Variants in PCDHGB2 observed in about 807,000 individuals in gnomAD.
The protein encoded by PCDHGB2 is protocadherin gamma subfamily B, 2.
Under a neutral mutation model 59.3 loss-of-function variants are expected in PCDHGB2, and 55 were observed. The ratio of observed to expected loss-of-function variants is 0.93; its 90% CI spans 0.75 to 1.16. PCDHGB2 has a LOEUF of 1.16. PCDHGB2 is among the 50% of genes most tolerant of loss of function. The probability of loss-of-function intolerance (pLI) is 0.00; values close to 1 mark genes in which losing one functional copy is unlikely to be tolerated. For synonymous variants in PCDHGB2, 516 were observed against 512.0 expected, an observed-to-expected ratio of 1.01 and a Z score of -0.11; for missense variants, 1,228 against 1,198.5, an observed-to-expected ratio of 1.02 and a Z score of -0.36.
At position 141,477,271 on chromosome 5, in the gene PCDHGB2, G is replaced by T; in HGVS notation, c.2422-17536G>T. On this transcript the variant is annotated intron_variant, in intron 1 of 3. Transcript: ENST00000522605. The surrounding 1 kb of genome is among the most constrained non-coding windows in gnomAD (Gnocchi z 4.9). ...CTGACCTGGATGCTGGCGAGAACGG[G>T]CTGGTGACCTGCGAAGTTCCACCGG... The T allele has an allele frequency of 1.2e-6, 2 of 1,614,212 alleles. No homozygotes were observed. The highest frequency in any genetic ancestry group is 1.7e-6 in the Non-Finnish European group (2 of 1,180,044).
chr5:141,501,789 C>T (rs367954511), intron 2 of PCDHGB2, among the ~76,000 whole-genome samples: 1 of 152,262 alleles, frequency 6.6e-6, no homozygotes, highest in South Asian at 2.1e-4. Context: ...TCTCCCTCTG[C>T]TCATCTCTTA....
rs1168771567 is a variant in PCDHGB2 at position 141,398,057 on chromosome 5, A to T, written c.2421+35501A>T. On this transcript the variant is annotated intron_variant, in intron 1 of 3. Coordinates refer to ENST00000522605, the MANE Select transcript of PCDHGB2 (RefSeq NM_018923.3). ...CTAAAGCCCGTTCGGAGATCCAAAAATCTACAATACAGAGGTTATTTGTAA... is the reference window on the plus strand; with the variant it reads ...CTAAAGCCCGTTCGGAGATCCAAAATTCTACAATACAGAGGTTATTTGTAA... 9 of 1,524,504 alleles carry T rather than the reference A, an allele frequency of 5.9e-6. No individual in the cohort carries two copies. In the South Asian group the frequency reaches 1.1e-4, roughly 19 times the overall value. 94.4% of individuals were successfully genotyped at this position (1,524,504 alleles called of 1,614,324 possible). A position where few individuals can be genotyped will look rare whatever the true frequency, so the allele number is the denominator to read the frequency against.
intron 1 of PCDHGB2, chr5:141,427,507 T>A: frequency 1.7e-6 from 1 of 584,928 alleles, no homozygotes; most frequent in Non-Finnish European, 3.2e-6. Context: ...GATGGGACCC[T>A]GGATTGGGAG....
At chr5:141,454,087 T>A (rs1251936767) in intron 1 of PCDHGB2, among the ~76,000 whole-genome samples, 4 of 152,198 alleles carry the variant, frequency 2.6e-5, no homozygotes, top group Non-Finnish European at 5.9e-5. Context: ...TCAGTGAAAT[T>A]TGAATTGAAC....
chr5:141,466,039 A>G (rs926979550), intron 1 of PCDHGB2, among the ~76,000 whole-genome samples: 1 of 152,122 alleles, frequency 6.6e-6, no homozygotes, highest in Non-Finnish European at 1.5e-5. Context: ...GGAGAACGGC[A>G]TGAACCCAGG....
intron 1 of PCDHGB2, chr5:141,374,379 G>C (rs1163047741): frequency 6.2e-7 from 1 of 1,614,042 alleles, no homozygotes; most frequent in Admixed American, 1.7e-5. Context: ...TGTGCTCAGA[G>C]CCCGCGGTGT....
In PCDHGB2 at chr5:141,510,989, C is replaced by A. The variant is rs2099883548; in HGVS notation, c.2612C>A (p.Thr871Asn). The A allele has an allele frequency of 1.2e-6, 2 of 1,614,198 alleles. No homozygotes were observed. The highest frequency in any genetic ancestry group is 1.7e-6 in the Non-Finnish European group (2 of 1,180,022). ...TCCACCCTGGGAGGGGGTGCCGGCA[C>A]CATGGGATTGAGCGCCCGCTACGGA... is the stretch of plus-strand genomic sequence containing the variant. ...GSSTLGGGAG[T>N]MGLSARYGPQ... Residue 871 changes from threonine to asparagine, a missense_variant, in exon 4 of 4, where the codon ACC becomes AAC. Thr to Asn is a moderately conservative substitution (Grantham distance 65, BLOSUM62 0). Transcript: ENST00000522605.
At chr5:141,418,341 A>G (rs1407312724) in intron 1 of PCDHGB2, 1 of 1,614,006 alleles carries the variant, frequency 6.2e-7, no homozygotes, top group South Asian at 1.1e-5. Context: ...GAAGATCCTG[A>G]TATTAGTATG....
At chr5:141,423,225 C>T (rs763729316) in intron 1 of PCDHGB2, 3 of 1,613,804 alleles carry the variant, frequency 1.9e-6, no homozygotes, top group South Asian at 1.1e-5. Context: ...TGGCTGTGGC[C>T]GACAGCATCC....
intron 1 of PCDHGB2, chr5:141,364,395 C>T (rs1330798978): frequency 1.9e-6 from 3 of 1,603,432 alleles, no homozygotes; most frequent in Admixed American, 1.7e-5. Flanking sequence ...CTCCTGGGGA[C>T]GCTGTGCGAG....
rs1763342277 is a variant in PCDHGB2, at chr5:141,364,464, T to C, written c.2421+1908T>C. 1.2e-6 allele frequency: 2 copies of C among 1,613,996 alleles called. No individual in the cohort carries two copies. The highest frequency in any genetic ancestry group is 1.3e-5 in the African/African-American group (1 of 75,072). On this transcript the variant is annotated intron_variant, in intron 1 of 3. Transcript: ENST00000522605. The stretch of plus-strand genomic sequence containing the variant: ...GAGGAGCTGGACAAAGGCTCCTTCG[T>C]CGGCAACATAGCCAAGGACCTTGGG...
In PCDHGB2 at chr5:141,433,032, C is replaced by T. The variant is rs751061646; in HGVS notation, c.2422-61775C>T. The T allele has an allele frequency of 2.5e-6, 4 of 1,614,188 alleles. No homozygotes were observed. Among genetic ancestry groups the T allele is most frequent in the African/African-American group, 2.7e-5 (2 of 75,058 alleles). On this transcript the variant is annotated intron_variant, in intron 1 of 3. Transcript: ENST00000522605. ...CTGCAGACCTATTCCCACGAGGTTTCCCTCACCACGGACTCGCGGAAGAGT... is the reference window on the plus strand; with the variant it reads ...CTGCAGACCTATTCCCACGAGGTTTTCCTCACCACGGACTCGCGGAAGAGT...
chr5:141,365,896 T>C, intron 1 of PCDHGB2: 3 of 1,614,212 alleles, frequency 1.9e-6, no homozygotes, highest in Non-Finnish European at 2.5e-6. Flanking sequence ...CCTTCGACTA[T>C]GAGCAGTTGA....
chr5:141,398,222 A>C, intron 1 of PCDHGB2: 2 of 1,483,320 alleles, frequency 1.3e-6, no homozygotes, highest in Non-Finnish European at 1.8e-6. Flanking sequence ...CTCTGTGAGC[A>C]GATCCGCTAC....
At chr5:141,391,345 G>C (rs1233916830) in intron 1 of PCDHGB2, 1 of 139,580 alleles carries the variant, frequency 7.2e-6, no homozygotes, top group Admixed American at 7.6e-5. Context: ...CAGAGTCTCT[G>C]TCTGTTACTC....
At chr5:141,365,896 T>G (rs1764191904) in intron 1 of PCDHGB2, 1 of 1,614,094 alleles carries the variant, frequency 6.2e-7, no homozygotes. Context: ...CCTTCGACTA[T>G]GAGCAGTTGA....
intron 1 of PCDHGB2, chr5:141,430,556 C>A (rs1479639096): frequency 9.7e-6 from 4 of 413,394 alleles, no homozygotes; most frequent in African/African-American, 2.1e-5. Flanking sequence ...GTTCACCAAT[C>A]GGGGAGAGAA....
chr5:141,475,139 C>T (rs928313061), intron 1 of PCDHGB2, among the ~76,000 whole-genome samples: 2 of 151,928 alleles, frequency 1.3e-5, no homozygotes, highest in African/African-American at 4.8e-5. Flanking sequence ...TTTTTGAAAT[C>T]TTCTCCGTCT....
intron 1 of PCDHGB2, among the ~76,000 whole-genome samples, chr5:141,494,382 G>C (rs1311387598): frequency 6.6e-6 from 1 of 152,182 alleles, no homozygotes; most frequent in Non-Finnish European, 1.5e-5. Flanking sequence ...CCCAGCTGAG[G>C]AGTTGAATAA....
Sources: allele counts gnomAD v4.1 joint callset (sites outside exome capture counted in the v4.1 genomes callset), GRCh38; gene constraint gnomAD v4.1.1; non-coding constraint Gnocchi (gnomAD v3.1); transcripts MANE v1.5; gene names NCBI Gene and HGNC (gene_info 2026-07-23, HGNC 2026-07-21).